The following TYSND1 variants were observed in gnomAD, a reference collection of about 807,000 sequenced individuals.
TYSND1 encodes trypsin like peroxisomal matrix peptidase 1.
Under a neutral mutation model 37.2 loss-of-function variants are expected in TYSND1, and 30 were observed. That is an observed-to-expected ratio of 0.81 (90% confidence interval 0.60 to 1.09). The LOEUF (loss-of-function observed/expected upper bound fraction) is 1.09, where lower values mean the gene tolerates loss of function less well. Ranked by LOEUF, TYSND1 falls within the 50% of genes least tolerant of loss-of-function variation. The pLI is 0.00. For missense variants in TYSND1, 806 were observed against 817.4 expected (o/e 0.99, Z 0.17); for synonymous variants, 364 against 383.8 (o/e 0.95, Z 0.60).
At chr10:70,140,737 A>G (rs77881845) in intron 3 of TYSND1, among the ~76,000 whole-genome samples, 2,589 of 152,330 alleles carry the variant, frequency 0.017, 75 homozygotes, top group African/African-American at 0.057. Flanking sequence ...AAACCAAAAC[A>G]TATACCTTGG....
rs1255730324 is a variant in TYSND1, at chr10:70,145,909, G to A, written c.678C>T (p.Phe226=). The A allele has an allele frequency of 1.3e-6, 2 of 1,549,192 alleles. No homozygotes were observed. The highest frequency in any genetic ancestry group is 1.7e-6 in the Non-Finnish European group (2 of 1,146,882). Residue 226 remains phenylalanine, a synonymous_variant, in exon 1 of 4, where the codon TTC becomes TTT. Transcript: ENST00000287078. The stretch of plus-strand genomic sequence containing the variant: ...GAAAGATGTCGGGGCAGAAGGCGCC[G>A]AAAGGGGAGCCGCAGACCAGCAATG... ...GAPLLVCGSP[F]GAFCPDIFLN...
At position 70,146,417 on chromosome 10, in the gene TYSND1, A is replaced by G; in HGVS notation, c.170T>C (p.Leu57Pro). 1 of 1,600,376 alleles carries G rather than the reference A, an allele frequency of 6.2e-7. No homozygotes were observed. The highest frequency in any genetic ancestry group is 8.5e-7 in the Non-Finnish European group (1 of 1,177,602). Residue 57 changes from leucine (L) to proline (P), a missense_variant, in exon 1 of 4, where the codon CTG (leucine) becomes CCG (proline). By Grantham distance (98) the Leu-to-Pro change is moderately conservative. Around this residue, in one of 3 missense-constraint regions of TYSND1, gnomAD observed 14 missense variants for 33.0 expected, o/e 0.42. Coordinates refer to ENST00000287078, the MANE Select transcript of TYSND1 (RefSeq NM_173555.4). Reference protein sequence around the residue: ...LCHGGIFVPFLRAGSEVLTAA... With the variant: ...LCHGGIFVPFPRAGSEVLTAA... ...GGTCAGGACTTCGCTGCCAGCTCGC[A>G]GGAAGGGGACGAAGATGCCCCCGTG...
At chr10:70,141,020 T>C (rs989013410) in intron 3 of TYSND1, among the ~76,000 whole-genome samples, 2 of 152,076 alleles carry the variant, frequency 1.3e-5, no homozygotes, top group African/African-American at 4.8e-5. Flanking sequence ...GGTCTCGCTC[T>C]GTCACCCATG....
rs1839192639 is a variant in TYSND1, at chr10:70,145,740, G to A, written c.847C>T (p.Leu283Phe). 2.1e-6 allele frequency: 3 copies of A among 1,428,482 alleles called. No individual in the cohort carries two copies. In the East Asian group the frequency reaches 8.2e-5, roughly 39 times the overall value. The allele number at this position is 1,428,482 out of a possible 1,614,324, so 88.5% of individuals were successfully genotyped here. A position where few individuals can be genotyped will look rare whatever the true frequency, so the allele number is the denominator to read the frequency against. ...GALVALVVAP[L>F]CWKAGEWVGF... ...ACCCATTCGCCGGCCTTCCAACAGA[G>A]CGGCGCCACCACCAGCGCCACCAGC... The change falls in exon 1 of 4, where the codon CTC becomes TTC. Residue 283 changes from leucine to phenylalanine, a missense_variant. Physicochemically the swap from Leu to Phe is conservative, Grantham distance 22. This residue lies in a region of TYSND1 where 708 missense variants were observed against 705.4 expected (regional missense o/e 1.00). Coordinates refer to ENST00000287078, the MANE Select transcript of TYSND1 (RefSeq NM_173555.4).
chr10:70,140,278 G>C (rs1285480266), intron 3 of TYSND1, 137 bp from the exon 4 acceptor site: 2 of 650,932 alleles, frequency 3.1e-6, no homozygotes, highest in Non-Finnish European at 5.3e-6. Flanking sequence ...GACAGACGCT[G>C]AGCTTCTAGA....
rs10524341 is a variant in TYSND1, at chr10:70,140,505, TTGAATGAATGAATGAATGAA to T, written c.1484-384_1484-365del. 2.0e-3 allele frequency among the ~76,000 whole-genome samples: 296 copies of T among 150,840 alleles called. 1 individual carries two copies. In the South Asian group the frequency reaches 0.041, roughly 21 times the overall value. ...CAAGTAGGCGCGCAACAAAGGCTTG[TTGAATGAATGAATGAATGAA>T]TGAATGAATGAATGAATGAATGAAT... On this transcript the variant is annotated intron_variant, in intron 3 of 3. Transcript: ENST00000287078.
chr10:70,145,415 G>T lies in TYSND1; in HGVS notation c.1166+6C>A. 7.1e-7 allele frequency: 1 copy of T among 1,417,848 alleles called. No individual in the cohort carries two copies. Among genetic ancestry groups the T allele is most frequent in the Non-Finnish European group, 9.2e-7 (1 of 1,084,170 alleles). 87.8% of individuals were successfully genotyped at this position (1,417,848 alleles called of 1,614,324 possible). A position where few individuals can be genotyped will look rare whatever the true frequency, so the allele number is the denominator to read the frequency against. On this transcript the variant is annotated splice_donor_region_variant and intron_variant, in intron 1 of 3. Transcript: ENST00000287078. ...GGATGAAGTGGCGTCAGCCCTGCGGGCTTACTTGGGGGTGGTGGAGCGCAC... is the reference window on the plus strand; with the variant it reads ...GGATGAAGTGGCGTCAGCCCTGCGGTCTTACTTGGGGGTGGTGGAGCGCAC...
At position 70,145,667 on chromosome 10, in the gene TYSND1, C is replaced by T. The variant is rs1314075707; in HGVS notation, c.920G>A (p.Arg307His). The part of the protein sequence containing the change: ...CAAAPLFRAA[R>H]DALHRLPHST... ...GTGCGGCAGGCGGTGAAGCGCGTCG[C>T]GGGCGGCGCGGAAAAGGGGGGCGGC... Residue 307 changes from arginine (R) to histidine (H), a missense_variant, in exon 1 of 4, where the codon CGC (arginine) becomes CAC (histidine). Physicochemically the swap from Arg to His is conservative, Grantham distance 29 (BLOSUM62 0). This residue lies in a region of TYSND1 where 708 missense variants were observed against 705.4 expected (regional missense o/e 1.00). Coordinates refer to ENST00000287078, the MANE Select transcript of TYSND1 (RefSeq NM_173555.4). 1.4e-6 allele frequency: 2 copies of T among 1,387,302 alleles called. No individual in the cohort carries two copies. The highest frequency in any genetic ancestry group is 9.3e-7 in the Non-Finnish European group (1 of 1,080,112). 85.9% of individuals were successfully genotyped at this position (1,387,302 alleles called of 1,614,324 possible).
chr10:70,141,180 A>G (rs915108613), intron 3 of TYSND1, among the ~76,000 whole-genome samples: 7 of 150,310 alleles, frequency 4.7e-5, no homozygotes, highest in African/African-American at 1.7e-4. Flanking sequence ...GACTCAAGCA[A>G]TCCTCCCGCC....
chr10:70,142,720 G>A lies in TYSND1; in HGVS notation c.1431C>T (p.His477=), dbSNP rs930806379. 6.2e-7 allele frequency: 1 copy of A among 1,612,624 alleles called. No homozygotes were observed. The highest frequency in any genetic ancestry group is 8.5e-7 in the Non-Finnish European group (1 of 1,179,476). ...AGAGGGGTCCCCCACTGGAGCCGCTGTGCACAGCACACGTGGTCTGCAGCA... is the reference window on the plus strand; with the variant it reads ...AGAGGGGTCCCCCACTGGAGCCGCTATGCACAGCACACGTGGTCTGCAGCA... ...PVMLQTTCAV[H]SGSSGGPLFS... The change falls in exon 3 of 4, where the codon CAC becomes CAT. Residue 477 remains histidine (H), a synonymous_variant. Coordinates refer to ENST00000287078, the MANE Select transcript of TYSND1 (RefSeq NM_173555.4).
At chr10:70,141,573 T>C (rs2072775363) in intron 3 of TYSND1, among the ~76,000 whole-genome samples, 2 of 152,164 alleles carry the variant, frequency 1.3e-5, no homozygotes, top group Admixed American at 6.5e-5. Flanking sequence ...TTACACATTA[T>C]TGGGAAGAAT....
Position 70,138,519 on chromosome 10 carries a change from TCACTCGAGGGCC to T in TYSND1, c.*1393_*1404del, listed in dbSNP as rs1167781327. The T allele has an allele frequency of 1.3e-5, 2 of 152,234 alleles. No homozygotes were observed. Among genetic ancestry groups the T allele is most frequent in the African/African-American group, 4.8e-5 (2 of 41,420 alleles). 9.4% of individuals were successfully genotyped at this position (152,234 alleles called of 1,614,324 possible). Reference sequence around the variant, plus strand: ...AGGGCTTTCAGCCTGCCAGTAGAAATCACTCGAGGGCCCACACATGCAAGGCCCTGGGCACAC... The same window carrying T: ...AGGGCTTTCAGCCTGCCAGTAGAAATCACACATGCAAGGCCCTGGGCACAC... On this transcript the variant is annotated 3_prime_UTR_variant, in exon 4 of 4. Coordinates refer to ENST00000287078, the MANE Select transcript of TYSND1 (RefSeq NM_173555.4).
intron 2 of TYSND1, among the ~76,000 whole-genome samples, chr10:70,143,537 C>G (rs1350015775): frequency 6.6e-6 from 1 of 152,228 alleles, no homozygotes; most frequent in African/African-American, 2.4e-5. Flanking sequence ...AGCCTTTTAC[C>G]CAAATCGTGC....
chr10:70,144,135 CT>C, intron 1 of TYSND1, 163 bp from the exon 2 acceptor site: 1 of 823,510 alleles, frequency 1.2e-6, no homozygotes, highest in Non-Finnish European at 1.9e-6. Flanking sequence ...TCTGTGGTAT[CT>C]CCAAAGGTGG....
chr10:70,146,270 C>G lies in TYSND1; in HGVS notation c.317G>C (p.Cys106Ser). The G allele has an allele frequency of 6.8e-7, 1 of 1,477,886 alleles. No homozygotes were observed. The highest frequency in any genetic ancestry group is 8.9e-7 in the Non-Finnish European group (1 of 1,123,450). 91.5% of individuals were successfully genotyped at this position (1,477,886 alleles called of 1,614,324 possible). A position where few individuals can be genotyped will look rare whatever the true frequency, so the allele number is the denominator to read the frequency against. Reference protein sequence around the residue: ...GGAERGRPGLCTPQCASLEPG... With the variant: ...GGAERGRPGLSTPQCASLEPG... ...CTCGAGGCTCGCGCACTGGGGCGTG[C>G]ACAGCCCTGGGCGGCCCCGCTCCGC... The change falls in exon 1 of 4, where the codon TGC becomes TCC. Residue 106 changes from cysteine (C) to serine (S), a missense_variant. Cys to Ser is a moderately radical substitution (Grantham distance 112, BLOSUM62 -1). Transcript: ENST00000287078.
At chr10:70,140,521 A>ATGGT (rs2072750963) in intron 3 of TYSND1, among the ~76,000 whole-genome samples, 1 of 61,884 alleles carries the variant, frequency 1.6e-5, no homozygotes, top group Non-Finnish European at 3.7e-5. Flanking sequence ...GAATGAATGA[A>ATGGT]TGAATGAATG....
rs201525311 is a variant in TYSND1, at chr10:70,143,832, C to T, written c.1297+10G>A. 117 of 1,613,924 alleles carry T rather than the reference C, an allele frequency of 7.2e-5. No homozygotes were observed. The highest frequency in any genetic ancestry group is 1.6e-4 in the Middle Eastern group (1 of 6,062). ...GGGCCCTCCTTCAGGCTGCGCCCTT[C>T]GTCCTTTACCTTCATGGAAGTGCTC... is the stretch of plus-strand genomic sequence containing the variant. On this transcript the variant is annotated intron_variant, in intron 2 of 3. Transcript: ENST00000287078.
intron 2 of TYSND1, 46 bp downstream of exon 2, chr10:70,143,796 C>A (rs1228884668): frequency 1.9e-6 from 3 of 1,610,122 alleles, no homozygotes; most frequent in Non-Finnish European, 2.5e-6. Context: ...GAGGCCCACC[C>A]TAGCTCAGAG....
chr10:70,146,056 ATCCGCCTCCTCGTCC>A lies in TYSND1; in HGVS notation c.516_530del (p.Glu172_Ala176del), dbSNP rs1197751881. The A allele has an allele frequency of 6.3e-7, 1 of 1,595,470 alleles. No homozygotes were observed. On this transcript the variant is annotated inframe_deletion, in exon 1 of 4. Transcript: ENST00000287078. Reference sequence around the variant, plus strand: ...CAAACCAGCCCAGCGCTCTCAGTTGATCCGCCTCCTCGTCCTCCGACACTTCGTCATCCCGCGCCG... The same window carrying A: ...CAAACCAGCCCAGCGCTCTCAGTTGATCCGACACTTCGTCATCCCGCGCCG...
Sources: gnomAD v4.1 joint callset for allele counts (sites outside exome capture counted in the v4.1 genomes callset) on GRCh38, gnomAD v4.1.1 for gene constraint, gnomAD v4.1.1 regional missense constraint, MANE v1.5 for transcripts, NCBI Gene and HGNC (gene_info 2026-07-23, HGNC 2026-07-21) for gene names.